VRK2: variants seen among roughly 807,000 people sequenced by gnomAD.
The protein encoded by VRK2 is serine/threonine-protein kinase VRK2.
In VRK2, 60 loss-of-function variants were observed where a neutral mutation model predicts 57.6. The ratio of observed to expected loss-of-function variants is 1.04; its 90% CI spans 0.85 to 1.29. The LOEUF is 1.29. Among genes scored for constraint, VRK2 ranks in the 50% most tolerant of loss-of-function variants. The pLI is 0.00. For synonymous variants in VRK2, 231 were observed against 199.2 expected (o/e 1.16, Z -1.35); for missense variants, 705 against 588.1 (o/e 1.20, Z -2.06).
intron 12 of VRK2, among the ~76,000 whole-genome samples, chr2:58,153,214 C>T (rs1683315872): frequency 2.0e-5 from 3 of 151,918 alleles, no homozygotes; most frequent in Admixed American, 2.0e-4. Flanking sequence ...GAGATCGATC[C>T]AAGTTTTGTG....
rs1030567432 is a variant in VRK2, at chr2:57,926,755, G to C, written c.-439+18916G>C. 4.7e-5 allele frequency among the ~76,000 whole-genome samples: 7 copies of C among 149,546 alleles called. No individual in the cohort carries two copies. The South Asian group carries it at 1.0e-3, about 22-fold the overall frequency. On this transcript the variant is annotated intron_variant, in intron 1 of 15. Transcript: ENST00000417641. ...TCATCTTTTTTTTTCAGTCTTTATAGATGAAGTGTATTTCTTGTAGGTCAC... is the reference window on the plus strand; with the variant it reads ...TCATCTTTTTTTTTCAGTCTTTATACATGAAGTGTATTTCTTGTAGGTCAC...
intron 1 of VRK2, among the ~76,000 whole-genome samples, chr2:57,914,049 A>G (rs1342053847): frequency 6.6e-6 from 1 of 152,084 alleles, no homozygotes; most frequent in Non-Finnish European, 1.5e-5. Flanking sequence ...TCAACTTTTC[A>G]AACAAAAAAT....
chr2:58,154,786 C>T, intron 12 of VRK2: 1 of 717,194 alleles, frequency 1.4e-6, no homozygotes, highest in South Asian at 1.5e-5. Flanking sequence ...TGATTTGAAC[C>T]CACTATTTTT....
chr2:57,933,790 T>A (rs1670817236), intron 1 of VRK2, among the ~76,000 whole-genome samples: 1 of 152,208 alleles, frequency 6.6e-6, no homozygotes, highest in South Asian at 2.1e-4. Flanking sequence ...GGCTGCTGTT[T>A]TGAAGATTCT....
chr2:58,039,515 A>G (rs376205636), intron 3 of VRK2, among the ~76,000 whole-genome samples: 13 of 152,126 alleles, frequency 8.5e-5, no homozygotes, highest in South Asian at 4.1e-4. Flanking sequence ...TTTTATTTCA[A>G]TATGAATTTC....
intron 1 of VRK2, among the ~76,000 whole-genome samples, chr2:57,975,416 C>T (rs1457593193): frequency 6.6e-6 from 1 of 152,066 alleles, no homozygotes; most frequent in Non-Finnish European, 1.5e-5. Context: ...TTACCACAAA[C>T]TTTGTGGTTT....
chr2:58,007,392 A>G (rs1298952935), intron 1 of VRK2, among the ~76,000 whole-genome samples: 2 of 151,952 alleles, frequency 1.3e-5, no homozygotes, highest in East Asian at 1.9e-4. Context: ...TCCACTTAAC[A>G]TGTGGATTTT....
At chr2:57,943,203 T>C (rs560948280) in intron 1 of VRK2, among the ~76,000 whole-genome samples, 5 of 152,296 alleles carry the variant, frequency 3.3e-5, no homozygotes, top group African/African-American at 1.2e-4. Flanking sequence ...TCATTAAATA[T>C]CCAAGAAGGT....
At chr2:57,984,275 A>C (rs1490568578) in intron 1 of VRK2, among the ~76,000 whole-genome samples, 1 of 151,150 alleles carries the variant, frequency 6.6e-6, no homozygotes, top group Non-Finnish European at 1.5e-5. Flanking sequence ...ACAACCTAAC[A>C]AAAAAAAAGC....
intron 1 of VRK2, among the ~76,000 whole-genome samples, chr2:57,910,362 AAC>A (rs925236269): frequency 2.0e-5 from 3 of 152,214 alleles, no homozygotes; most frequent in African/African-American, 7.2e-5. Context: ...ATGACAATAA[AAC>A]ACAACGCTCA....
At chr2:58,108,557 C>T (rs1395986419) in intron 7 of VRK2, among the ~76,000 whole-genome samples, 1 of 151,944 alleles carries the variant, frequency 6.6e-6, no homozygotes, top group East Asian at 1.9e-4. Context: ...CCACCAACTT[C>T]TCCGCCCTCA....
chr2:58,058,543 C>T (rs1676868043), intron 2 of VRK2: 2 of 367,272 alleles, frequency 5.4e-6, no homozygotes, highest in African/African-American at 4.3e-5. Flanking sequence ...CAAAGTCTCA[C>T]TGATGAGGCC....
At chr2:57,942,531 T>C (rs951353991) in intron 1 of VRK2, among the ~76,000 whole-genome samples, 3 of 151,666 alleles carry the variant, frequency 2.0e-5, no homozygotes, top group African/African-American at 2.4e-5. Flanking sequence ...TAAATGTCAT[T>C]CCAAAACAAA....
chr2:58,011,820 T>C (rs115733470), intron 1 of VRK2, among the ~76,000 whole-genome samples: 1,530 of 152,294 alleles, frequency 0.01, 26 homozygotes, highest in African/African-American at 0.035. Flanking sequence ...CTGAACTAAA[T>C]ATCACTCTGT....
At chr2:58,154,729 G>A (rs777621112) in intron 12 of VRK2, 3 of 716,934 alleles carry the variant, frequency 4.2e-6, no homozygotes, top group South Asian at 1.5e-5. Flanking sequence ...CTTGATCTTG[G>A]TGTATTTTCT....
chr2:57,935,301 C>T (rs1670869343), intron 1 of VRK2, among the ~76,000 whole-genome samples: 1 of 152,166 alleles, frequency 6.6e-6, no homozygotes, highest in Non-Finnish European at 1.5e-5. Flanking sequence ...TGCCATTCTA[C>T]ACCTATTGAT....
intron 11 of VRK2, among the ~76,000 whole-genome samples, chr2:58,144,050 A>G (rs1181559046): frequency 2.0e-5 from 3 of 151,642 alleles, no homozygotes; most frequent in Admixed American, 2.0e-4. Context: ...CACACACACA[A>G]TGGAATATTA....
chr2:58,148,852 C>T (rs1448655964), intron 12 of VRK2, among the ~76,000 whole-genome samples: 2 of 151,772 alleles, frequency 1.3e-5, no homozygotes, highest in South Asian at 4.1e-4. Context: ...TTCTTCTATT[C>T]TACTTGTCTC....
At chr2:58,035,712 T>C (rs544716673) in intron 3 of VRK2, among the ~76,000 whole-genome samples, 5 of 152,140 alleles carry the variant, frequency 3.3e-5, no homozygotes, top group African/African-American at 1.2e-4. Flanking sequence ...TTCTTCTATA[T>C]AATTTGGAAG....
Sources: gnomAD v4.1 joint callset for allele counts (sites outside exome capture counted in the v4.1 genomes callset) on GRCh38, gnomAD v4.1.1 for gene constraint, MANE v1.5 for transcripts, NCBI Gene and HGNC (gene_info 2026-07-23, HGNC 2026-07-21) for gene names.